Variants in XIRP2 observed in about 807,000 individuals in gnomAD.
XIRP2 encodes the protein xin actin-binding repeat-containing protein 2.
XIRP2 carries 236 observed loss-of-function variants against 277.0 expected under a neutral mutation model. The ratio of observed to expected loss-of-function variants is 0.85; its 90% CI spans 0.77 to 0.95. The LOEUF is 0.95. XIRP2 is among the 40% of genes least tolerant of loss of function. The pLI, the probability that XIRP2 is intolerant of heterozygous loss-of-function variation, is 0.00. For missense variants in XIRP2, 4,640 were observed against 4,157.5 expected (o/e 1.12, Z -3.19); for synonymous variants, 1,490 against 1,416.5 (o/e 1.05, Z -1.17).
At chr2:166,969,694 A>G (rs1686526083) in intron 2 of XIRP2, among the ~76,000 whole-genome samples, 1 of 151,972 alleles carries the variant, frequency 6.6e-6, no homozygotes. Context: ...CAAAGAACTC[A>G]TTAAAACCAT....
chr2:167,069,446 C>G (rs1689384192), intron 2 of XIRP2, among the ~76,000 whole-genome samples: 1 of 152,116 alleles, frequency 6.6e-6, no homozygotes, highest in Admixed American at 6.6e-5. Flanking sequence ...ACAAATATAG[C>G]ATAATCTGCT....
At chr2:167,018,915 C>T (rs569892130) in intron 2 of XIRP2, among the ~76,000 whole-genome samples, 2 of 152,118 alleles carry the variant, frequency 1.3e-5, no homozygotes, top group South Asian at 4.2e-4. Flanking sequence ...TGTTTCCTTT[C>T]ATCTTTGATG....
At chr2:166,989,008 G>T (rs1395244305) in intron 2 of XIRP2, among the ~76,000 whole-genome samples, 2 of 91,432 alleles carry the variant, frequency 2.2e-5, no homozygotes, top group Non-Finnish European at 4.0e-5. Context: ...CACCTCTGGG[G>T]GCAGGGCACA....
chr2:167,180,145 C>T (rs186631060), intron 3 of XIRP2, among the ~76,000 whole-genome samples: 2 of 152,036 alleles, frequency 1.3e-5, no homozygotes, highest in African/African-American at 4.8e-5. Flanking sequence ...TGTCTTTTTT[C>T]TTTATTCATT....
At chr2:166,985,950 C>T (rs1470232071) in intron 2 of XIRP2, among the ~76,000 whole-genome samples, 2 of 152,120 alleles carry the variant, frequency 1.3e-5, no homozygotes, top group Non-Finnish European at 2.9e-5. Context: ...ATTGTCAGAG[C>T]AGTGGTCTAA....
intron 5 of XIRP2, 33 bp downstream of exon 5, chr2:167,218,333 C>T (rs1326598114): frequency 7.1e-7 from 1 of 1,404,308 alleles, no homozygotes; most frequent in South Asian, 1.9e-5. Context: ...GTAAATCAGG[C>T]ATGGTTGAAA....
intron 1 of XIRP2, among the ~76,000 whole-genome samples, chr2:166,899,322 G>A (rs1439079022): frequency 1.3e-5 from 2 of 151,972 alleles, no homozygotes; most frequent in East Asian, 1.9e-4. Flanking sequence ...ATATAATTGT[G>A]TTGGTTAACT....
intron 2 of XIRP2, among the ~76,000 whole-genome samples, chr2:166,917,621 T>C (rs1339170052): frequency 6.6e-6 from 1 of 151,768 alleles, no homozygotes; most frequent in Non-Finnish European, 1.5e-5. Context: ...AATATGACAC[T>C]GTTAAAAAAA....
chr2:167,026,248 G>A (rs1294630231), intron 2 of XIRP2, among the ~76,000 whole-genome samples: 2 of 152,072 alleles, frequency 1.3e-5, no homozygotes, highest in Admixed American at 6.6e-5. Context: ...TTGGTTTGAA[G>A]TCTGTTTTAT....
intron 2 of XIRP2, among the ~76,000 whole-genome samples, chr2:167,078,566 G>A (rs1689638887): frequency 6.6e-6 from 1 of 152,128 alleles, no homozygotes; most frequent in Non-Finnish European, 1.5e-5. Context: ...GCCGGGAGTG[G>A]TGGCTCACGC....
intron 2 of XIRP2, among the ~76,000 whole-genome samples, chr2:167,074,041 T>C (rs913433719): frequency 1.3e-5 from 2 of 152,132 alleles, no homozygotes; most frequent in East Asian, 1.9e-4. Context: ...ATTATACCCA[T>C]TGCATAAATT....
chr2:167,156,076 C>CTTG (rs1056518867), intron 3 of XIRP2, among the ~76,000 whole-genome samples: 1 of 151,102 alleles, frequency 6.6e-6, no homozygotes, highest in Non-Finnish European at 1.5e-5. Context: ...AACTACAAAC[C>CTTG]ACTGCTCAAT....
At chr2:166,981,160 G>A (rs955731148) in intron 2 of XIRP2, among the ~76,000 whole-genome samples, 16 of 152,074 alleles carry the variant, frequency 1.1e-4, no homozygotes, top group African/African-American at 3.6e-4. Context: ...TCCATAACAA[G>A]CATCAGAACC....
intron 2 of XIRP2, among the ~76,000 whole-genome samples, chr2:167,123,132 G>A (rs1054438151): frequency 1.3e-5 from 2 of 152,134 alleles, no homozygotes; most frequent in African/African-American, 2.4e-5. Context: ...GTTTGCCTGT[G>A]GCTTGTCTCA....
intron 2 of XIRP2, among the ~76,000 whole-genome samples, chr2:167,072,548 T>C (rs1689462432): frequency 1.3e-5 from 2 of 152,198 alleles, no homozygotes; most frequent in Non-Finnish European, 2.9e-5. Flanking sequence ...TATCATATTA[T>C]TCAACACATA....
intron 3 of XIRP2, among the ~76,000 whole-genome samples, chr2:167,186,415 A>G (rs1348495944): frequency 6.6e-6 from 1 of 152,206 alleles, no homozygotes; most frequent in Non-Finnish European, 1.5e-5. Context: ...AATAGAGTAT[A>G]TAGGTCAGGT....
At chr2:167,014,491 A>G (rs1043147885) in intron 2 of XIRP2, among the ~76,000 whole-genome samples, 3 of 151,732 alleles carry the variant, frequency 2.0e-5, no homozygotes, top group Non-Finnish European at 4.4e-5. Context: ...ATTGTGTTTT[A>G]AAAATCTGTA....
chr2:167,181,611 T>C (rs1317659952), intron 3 of XIRP2, among the ~76,000 whole-genome samples: 1 of 152,112 alleles, frequency 6.6e-6, no homozygotes, highest in Admixed American at 6.5e-5. Flanking sequence ...ACAAGGAAGC[T>C]TCCTTATTAT....
intron 2 of XIRP2, among the ~76,000 whole-genome samples, chr2:167,029,647 G>A (rs570672663): frequency 5.6e-4 from 85 of 152,076 alleles, no homozygotes; most frequent in Non-Finnish European, 1.1e-3. Context: ...CGTTCATCAG[G>A]TATATTGGCG....
Sources: allele counts gnomAD v4.1 joint callset (sites outside exome capture counted in the v4.1 genomes callset), GRCh38; gene constraint gnomAD v4.1.1; transcripts MANE v1.5; gene names NCBI Gene and HGNC (gene_info 2026-07-23, HGNC 2026-07-21).